PTPMT1: variants seen among roughly 807,000 people sequenced by gnomAD.
The protein encoded by PTPMT1 is phosphatidylglycerophosphatase and protein-tyrosine phosphatase 1.
A neutral mutation model predicts 17.8 loss-of-function variants in PTPMT1; 12 were observed. The observed-to-expected ratio is 0.67, with a 90% CI of 0.43 to 1.09. The LOEUF (loss-of-function observed/expected upper bound fraction) is 1.09, where lower values mean the gene tolerates loss of function less well. Ranked by LOEUF, PTPMT1 falls within the 50% of genes least tolerant of loss-of-function variation. The probability of loss-of-function intolerance (pLI) is 0.00; values close to 1 mark genes in which losing one functional copy is unlikely to be tolerated. For synonymous variants in PTPMT1, 132 were observed against 116.8 expected (o/e 1.13, Z -0.84); for missense variants, 262 against 266.0 (o/e 0.99, Z 0.10).
At chr11:47,566,957 G>A (rs1036353534) in intron 2 of PTPMT1, among the ~76,000 whole-genome samples, 7 of 152,026 alleles carry the variant, frequency 4.6e-5, no homozygotes, top group African/African-American at 1.4e-4. Context: ...TACAATCTGA[G>A]CTATTTGATT....
chr11:47,571,275 T>C (rs944440757), intron 3 of PTPMT1, among the ~76,000 whole-genome samples, 196 bp from the exon 4 acceptor site: 25 of 152,176 alleles, frequency 1.6e-4, no homozygotes, highest in Admixed American at 6.6e-4. Context: ...TGTTGCATAG[T>C]ATTGTGAGAC....
chr11:47,569,979 G>C, intron 3 of PTPMT1, 88 bp downstream of exon 3: 1 of 1,121,788 alleles, frequency 8.9e-7, no homozygotes, highest in South Asian at 1.5e-5. Flanking sequence ...GATGGCTTGA[G>C]CCCAGGAGTT....
In PTPMT1 at chr11:47,571,625, C is replaced by A. The variant is rs755299427; in HGVS notation, c.602C>A (p.Thr201Lys). 4 of 1,613,920 alleles carry A rather than the reference C, an allele frequency of 2.5e-6. No individual in the cohort carries two copies. The South Asian group carries it at 3.3e-5, about 13-fold the overall frequency. The change falls in exon 4 of 4, where the codon ACA becomes AAA. Residue 201 changes from threonine (T) to lysine (K), a missense_variant. Coordinates refer to ENST00000326674, the MANE Select transcript of PTPMT1 (RefSeq NM_175732.3). ...TKDGTFVISK[T>K] ...GATGGGACTTTTGTCATTTCAAAGA[C>A]ATGATGTATGGGGATTAGAAAGAAC...
intron 2 of PTPMT1, among the ~76,000 whole-genome samples, chr11:47,568,648 C>T (rs1045406252): frequency 2.0e-5 from 3 of 152,106 alleles, no homozygotes; most frequent in Non-Finnish European, 2.9e-5. Context: ...CATACCACTG[C>T]TCTCTGACCT....
In PTPMT1 at chr11:47,569,781, A is replaced by G. The variant is rs776502881; in HGVS notation, c.337A>G (p.Lys113Glu). Residue 113 changes from lysine (K) to glutamate (E), a missense_variant, in exon 3 of 4, where the codon AAG becomes GAG. Transcript: ENST00000326674. ...GATCCCCACCTTGGACAACCTCCAG[A>G]AGGGAGTCCAATTTGCTCTCAAGTA... ...TGIPTLDNLQ[K>E]GVQFALKYQS... The G allele has an allele frequency of 3.2e-5, 51 of 1,613,848 alleles. No homozygotes were observed. The highest frequency in any genetic ancestry group is 4.2e-5 in the Non-Finnish European group (50 of 1,179,902).
chr11:47,565,631 C>A lies in PTPMT1; in HGVS notation c.9C>A (p.Ala3=). 1 of 1,315,738 alleles carries A rather than the reference C, an allele frequency of 7.6e-7. No individual in the cohort carries two copies. Among genetic ancestry groups the A allele is most frequent in the Admixed American group, 4.1e-5 (1 of 24,140 alleles). 81.5% of individuals were successfully genotyped at this position (1,315,738 alleles called of 1,614,324 possible). Residue 3 remains alanine (A), a synonymous_variant, in exon 1 of 4, where the codon GCC becomes GCA. Transcript: ENST00000326674. MA[A]TALLEAGLAR... is the part of the protein sequence containing the mutation. The stretch of plus-strand genomic sequence containing the variant: ...CGCTGCGCCGGGCCGGGATGGCGGC[C>A]ACCGCGCTGCTGGAGGCCGGCCTGG...
chr11:47,572,656 G>A lies in PTPMT1; in HGVS notation c.*1027G>A. 2.1e-6 allele frequency: 1 copy of A among 475,546 alleles called. No homozygotes were observed. Among genetic ancestry groups the A allele is most frequent in the South Asian group, 3.2e-5 (1 of 31,180 alleles). 29.5% of individuals were successfully genotyped at this position (475,546 alleles called of 1,614,324 possible). On this transcript the variant is annotated 3_prime_UTR_variant, in exon 4 of 4. Coordinates refer to ENST00000326674, the MANE Select transcript of PTPMT1 (RefSeq NM_175732.3). The stretch of plus-strand genomic sequence containing the variant: ...AGGAGAGGCTGTGCCTAAGGTCTGA[G>A]AAAAGGCTTGCTCTAAGCAAGCTGT...
intron 3 of PTPMT1, among the ~76,000 whole-genome samples, chr11:47,570,741 C>A (rs934324579): frequency 6.6e-6 from 1 of 152,136 alleles, no homozygotes; most frequent in Non-Finnish European, 1.5e-5. Context: ...TTAGGAGAAA[C>A]AAATACCCTG....
rs1484379418 is a variant in PTPMT1 at position 47,565,890 on chromosome 11, C to T, written c.175-16C>T. The T allele has an allele frequency of 6.2e-7, 1 of 1,612,568 alleles. No individual in the cohort carries two copies. Among genetic ancestry groups the T allele is most frequent in the South Asian group, 1.1e-5 (1 of 90,982 alleles). On this transcript the variant is annotated splice_polypyrimidine_tract_variant and intron_variant, in intron 1 of 3. Transcript: ENST00000326674. Reference sequence around the variant, plus strand: ...GTCTCCACCGTCTTTGCTGAGCCACCTCTTTGCCTCGGCAGCTGGTACAGG... The same window carrying T: ...GTCTCCACCGTCTTTGCTGAGCCACTTCTTTGCCTCGGCAGCTGGTACAGG...
Position 47,571,754 on chromosome 11 carries a change from A to G in PTPMT1, c.*125A>G. 1 of 852,034 alleles carries G rather than the reference A, an allele frequency of 1.2e-6. No homozygotes were observed. The highest frequency in any genetic ancestry group is 1.9e-6 in the Non-Finnish European group (1 of 539,456). The allele number at this position is 852,034 out of a possible 1,614,324, so 52.8% of individuals were successfully genotyped here. A position where few individuals can be genotyped will look rare whatever the true frequency, so the allele number is the denominator to read the frequency against. On this transcript the variant is annotated 3_prime_UTR_variant, in exon 4 of 4. Transcript: ENST00000326674. ...GAAATGTGCCAATAGGTAATAGGTAATTTTTCTTTCTCTGACTTGTTTTGT... is the reference window on the plus strand; with the variant it reads ...GAAATGTGCCAATAGGTAATAGGTAGTTTTTCTTTCTCTGACTTGTTTTGT...
chr11:47,567,990 GCTCACTGCAAGCTCCGCCTC>G (rs2097247228), intron 2 of PTPMT1, among the ~76,000 whole-genome samples: 1 of 151,470 alleles, frequency 6.6e-6, no homozygotes. Context: ...CACGATCTCG[GCTCACTGCAAGCTCCGCCTC>G]CTGGGTTCAT....
In PTPMT1 at chr11:47,571,627, T is replaced by C; in HGVS notation, c.604T>C (p.Ter202ArgextTer38). 6.2e-7 allele frequency: 1 copy of C among 1,613,874 alleles called. No homozygotes were observed. ...KDGTFVISKT[*>R] ...TGGGACTTTTGTCATTTCAAAGACA[T>C]GATGTATGGGGATTAGAAAGAACTC... Residue 202 changes from the stop codon to arginine, a stop_lost, in exon 4 of 4, where the codon TGA becomes CGA. Transcript: ENST00000326674.
At position 47,569,765 on chromosome 11, in the gene PTPMT1, C is replaced by T. The variant is rs1255821778; in HGVS notation, c.321C>T (p.Thr107=). The T allele has an allele frequency of 6.8e-6, 11 of 1,614,080 alleles. 1 individual carries two copies. The Admixed American group carries it at 1.2e-4, about 17-fold the overall frequency. ...LSTVDMTGIP[T]LDNLQKGVQF... ...CAGTAGACATGACTGGGATCCCCAC[C>T]TTGGACAACCTCCAGAAGGGAGTCC... The change falls in exon 3 of 4, where the codon ACC becomes ACT. Residue 107 remains threonine, a synonymous_variant. Coordinates refer to ENST00000326674, the MANE Select transcript of PTPMT1 (RefSeq NM_175732.3).
In PTPMT1 at chr11:47,573,327, T is replaced by C; in HGVS notation, c.*1698T>C. On this transcript the variant is annotated 3_prime_UTR_variant, in exon 4 of 4. Coordinates refer to ENST00000326674, the MANE Select transcript of PTPMT1 (RefSeq NM_175732.3). The surrounding 1 kb of genome is among the most constrained non-coding windows in gnomAD (Gnocchi z 4.1). ...TTTGGTAAAGAAGTCCAGATCATTC[T>C]CCTCCCCCCCTAGTAAGTAGATGAT... 1 of 1,614,098 alleles carries C rather than the reference T, an allele frequency of 6.2e-7. No individual in the cohort carries two copies. The highest frequency in any genetic ancestry group is 8.5e-7 in the Non-Finnish European group (1 of 1,180,034).
chr11:47,572,183 C>T lies in PTPMT1; in HGVS notation c.*554C>T, dbSNP rs1054473804. On this transcript the variant is annotated 3_prime_UTR_variant, in exon 4 of 4. Transcript: ENST00000326674. The stretch of plus-strand genomic sequence containing the variant: ...TCAAAGTCACCCCTTTGGAATTCAA[C>T]ACAGACACACATATCCCTTCAAAAA... The T allele has an allele frequency of 6.5e-6, 1 of 153,086 alleles. No individual in the cohort carries two copies. Among genetic ancestry groups the T allele is most frequent in the Non-Finnish European group, 1.5e-5 (1 of 68,432 alleles). The allele number at this position is 153,086 out of a possible 1,614,324, so 9.5% of individuals were successfully genotyped here.
In PTPMT1 at chr11:47,572,497, CT is replaced by C. The variant is rs1205419123; in HGVS notation, c.*869del. On this transcript the variant is annotated 3_prime_UTR_variant, in exon 4 of 4. Transcript: ENST00000326674. ...CTCCTAAGTAAAGCCTGAAGGAAAACTCTTAACACCTAATTCTTTGTGGAAA... is the reference window on the plus strand; with the variant it reads ...CTCCTAAGTAAAGCCTGAAGGAAAACCTTAACACCTAATTCTTTGTGGAAA... The C allele has an allele frequency of 6.0e-6, 1 of 167,416 alleles. No individual in the cohort carries two copies. Among genetic ancestry groups the C allele is most frequent in the African/African-American group, 2.4e-5 (1 of 41,740 alleles). 10.4% of individuals were successfully genotyped at this position (167,416 alleles called of 1,614,324 possible).
At chr11:47,570,047 C>T (rs1565927720) in intron 3 of PTPMT1, among the ~76,000 whole-genome samples, 156 bp downstream of exon 3, 1 of 152,006 alleles carries the variant, frequency 6.6e-6, no homozygotes, top group Non-Finnish European at 1.5e-5. Flanking sequence ...AACAAGTTAG[C>T]TCAGTGTGGT....
chr11:47,569,741 A>G lies in PTPMT1; in HGVS notation c.297A>G (p.Thr99=), dbSNP rs745412099. The change falls in exon 3 of 4, where the codon ACA becomes ACG. Residue 99 remains threonine (T), a synonymous_variant. Transcript: ENST00000326674. Reference sequence around the variant, plus strand: ...GAGTCGAGCAGCTGCGGCTCAGCACAGTAGACATGACTGGGATCCCCACCT... The same window carrying G: ...GAGTCGAGCAGCTGCGGCTCAGCACGGTAGACATGACTGGGATCCCCACCT... ...RLGVEQLRLS[T]VDMTGIPTLD... 5.4e-5 allele frequency: 87 copies of G among 1,614,044 alleles called. No individual in the cohort carries two copies. In the East Asian group the frequency reaches 6.2e-4, roughly 12 times the overall value.
chr11:47,569,665 CAT>C, intron 2 of PTPMT1, 33 bp from the exon 3 acceptor site: 1 of 1,535,024 alleles, frequency 6.5e-7, no homozygotes, highest in Non-Finnish European at 8.8e-7. Flanking sequence ...AGTTTTTTTT[CAT>C]TCTCTTTTTC....
Sources: allele counts gnomAD v4.1 joint callset (sites outside exome capture counted in the v4.1 genomes callset), GRCh38; gene constraint gnomAD v4.1.1; non-coding constraint Gnocchi (gnomAD v3.1); transcripts MANE v1.5; gene names NCBI Gene and HGNC (gene_info 2026-07-23, HGNC 2026-07-21).